The following GFRA1 variants were observed in gnomAD, a reference collection of about 807,000 sequenced individuals.
The protein encoded by GFRA1 is GDNF family receptor alpha-1.
GFRA1 carries 16 observed loss-of-function variants against 51.6 expected under a neutral mutation model. That is an observed-to-expected ratio of 0.31 (90% CI 0.21 to 0.47). GFRA1 has a LOEUF of 0.47. GFRA1 is among the 20% of genes least tolerant of loss of function. The probability of loss-of-function intolerance (pLI) is 1.00; values close to 1 mark genes in which losing one functional copy is unlikely to be tolerated. For missense variants in GFRA1, 530 were observed against 594.3 expected, an observed-to-expected ratio of 0.89 and a Z score of 1.13; for synonymous variants, 270 against 241.3, an observed-to-expected ratio of 1.12 and a Z score of -1.10.
chr10:116,268,543 A>G (rs1269424258), intron 4 of GFRA1, among the ~76,000 whole-genome samples: 1 of 152,246 alleles, frequency 6.6e-6, no homozygotes, highest in African/African-American at 2.4e-5. Context: ...ATAAAATATC[A>G]GTATTTATAC....
chr10:116,234,234 T>C (rs1199446626), intron 4 of GFRA1, among the ~76,000 whole-genome samples: 4 of 152,290 alleles, frequency 2.6e-5, no homozygotes, highest in South Asian at 2.1e-4. Context: ...CTGGAAAAAC[T>C]AGATATGGAA....
At chr10:116,195,019 A>G (rs939297469) in intron 5 of GFRA1, among the ~76,000 whole-genome samples, 3 of 152,198 alleles carry the variant, frequency 2.0e-5, no homozygotes, top group African/African-American at 7.2e-5. Flanking sequence ...AGTAGTGCAA[A>G]AGTAGCCAGA....
chr10:116,267,022 T>A (rs1969711097), intron 4 of GFRA1, among the ~76,000 whole-genome samples: 1 of 152,120 alleles, frequency 6.6e-6, no homozygotes, highest in African/African-American at 2.4e-5. Flanking sequence ...ACACCTGTAG[T>A]CCCAGCTACT....
chr10:116,240,836 C>G (rs1026514655), intron 4 of GFRA1, among the ~76,000 whole-genome samples: 1 of 152,128 alleles, frequency 6.6e-6, no homozygotes, highest in Non-Finnish European at 1.5e-5. Flanking sequence ...AGCTAACACA[C>G]AGGGTGCACA....
intron 6 of GFRA1, among the ~76,000 whole-genome samples, chr10:116,116,215 C>T (rs375393907): frequency 4.2e-4 from 64 of 152,350 alleles, no homozygotes; most frequent in African/African-American, 1.2e-3. Context: ...CTACCTCAGC[C>T]TCTGGAGTAG....
intron 5 of GFRA1, among the ~76,000 whole-genome samples, chr10:116,167,926 TGGACTTTGG>T (rs1960643986): frequency 1.3e-5 from 2 of 151,946 alleles, no homozygotes; most frequent in Admixed American, 1.3e-4. Context: ...GTCCATATAA[TGGACTTTGG>T]GGACTTGGTG....
intron 4 of GFRA1, among the ~76,000 whole-genome samples, chr10:116,233,244 C>G (rs2134579268): frequency 6.6e-6 from 1 of 152,086 alleles, no homozygotes; most frequent in East Asian, 1.9e-4. Flanking sequence ...AGGAGCATCC[C>G]TTGAACCTGG....
chr10:116,132,703 T>C (rs1035975352), intron 5 of GFRA1, among the ~76,000 whole-genome samples: 5 of 152,192 alleles, frequency 3.3e-5, no homozygotes, highest in Admixed American at 6.5e-5. Flanking sequence ...TAAATTAGGG[T>C]TGAGTTTTCA....
At chr10:116,271,928 G>T in intron 2 of GFRA1, 62 bp downstream of exon 2, 5 of 1,338,022 alleles carry the variant, frequency 3.7e-6, no homozygotes, top group Non-Finnish European at 5.2e-6. Context: ...GGGGTGGGCT[G>T]CTGCAAGCGA....
chr10:116,120,178 G>C (rs1365920777), intron 6 of GFRA1, among the ~76,000 whole-genome samples: 2 of 152,240 alleles, frequency 1.3e-5, no homozygotes, highest in Non-Finnish European at 2.9e-5. Context: ...GCAGGGTCAA[G>C]AGAACCTTGG....
intron 5 of GFRA1, among the ~76,000 whole-genome samples, chr10:116,131,480 T>C (rs1958100112): frequency 6.6e-6 from 1 of 152,172 alleles, no homozygotes; most frequent in Admixed American, 6.5e-5. Flanking sequence ...ATATTGATAA[T>C]AATCAAAACT....
rs546805842 is a variant in GFRA1 at position 116,077,794 on chromosome 10, G to A, written c.1197+11947C>T. Among the ~76,000 whole-genome samples the A allele has an allele frequency of 1.4e-3, 212 of 152,288 alleles. 1 individual carries two copies. The highest frequency in any genetic ancestry group is 2.5e-3 in the Non-Finnish European group (173 of 68,010). ...GCAAGGCAGCCCAGCACCTGATGTC[G>A]GCAGGCTGGGGGGGACAGCTTGTCC... On this transcript the variant is annotated intron_variant, in intron 9 of 10. Coordinates refer to ENST00000355422, the MANE Select transcript of GFRA1 (RefSeq NM_005264.8).
chr10:116,075,897 A>G (rs1955598645), intron 9 of GFRA1, among the ~76,000 whole-genome samples: 1 of 151,936 alleles, frequency 6.6e-6, no homozygotes, highest in South Asian at 2.1e-4. Flanking sequence ...GGTGCCCACC[A>G]CTGTGCCCGG....
chr10:116,251,552 A>C (rs1304537479), intron 4 of GFRA1, among the ~76,000 whole-genome samples: 1 of 152,166 alleles, frequency 6.6e-6, no homozygotes, highest in East Asian at 1.9e-4. Context: ...CTAGCAAAAA[A>C]CGTATAATGG....
chr10:116,262,989 C>T (rs1402726186), intron 4 of GFRA1, among the ~76,000 whole-genome samples: 2 of 152,244 alleles, frequency 1.3e-5, no homozygotes, highest in Admixed American at 6.5e-5. Context: ...TCACTTCCGA[C>T]CACAGAGCAT....
chr10:116,143,182 G>C (rs1331992135), intron 5 of GFRA1, among the ~76,000 whole-genome samples: 1 of 152,134 alleles, frequency 6.6e-6, no homozygotes, highest in Non-Finnish European at 1.5e-5. Flanking sequence ...TATACTCCAA[G>C]TGTATATTCA....
At chr10:116,164,562 G>A (rs1053556856) in intron 5 of GFRA1, among the ~76,000 whole-genome samples, 7 of 152,220 alleles carry the variant, frequency 4.6e-5, no homozygotes, top group East Asian at 3.9e-4. Flanking sequence ...CAGGGTGAAC[G>A]GTCTTCTGGA....
At chr10:116,163,980 T>C (rs1960111703) in intron 5 of GFRA1, among the ~76,000 whole-genome samples, 1 of 152,180 alleles carries the variant, frequency 6.6e-6, no homozygotes. Flanking sequence ...AATGGTCCCA[T>C]CGAACCCCTT....
At chr10:116,195,949 G>T (rs1282777935) in intron 5 of GFRA1, among the ~76,000 whole-genome samples, 3 of 152,032 alleles carry the variant, frequency 2.0e-5, no homozygotes, top group Non-Finnish European at 4.4e-5. Flanking sequence ...ATCTCACAAG[G>T]TTAATTATTT....
Sources: allele counts gnomAD v4.1 joint callset (sites outside exome capture counted in the v4.1 genomes callset), GRCh38; gene constraint gnomAD v4.1.1; transcripts MANE v1.5; gene names NCBI Gene and HGNC (gene_info 2026-07-23, HGNC 2026-07-21).